SRRM3: variants seen among roughly 807,000 people sequenced by gnomAD.
SRRM3 encodes the protein serine/arginine repetitive matrix 3, also known as serine/arginine repetitive matrix protein 3.
Under a neutral mutation model 66.2 loss-of-function variants are expected in SRRM3, and 27 were observed. That is an observed-to-expected ratio of 0.41 (90% CI 0.30 to 0.56). The LOEUF is 0.56. Among genes scored for constraint, SRRM3 ranks in the 20% least tolerant of loss-of-function variants. SRRM3 has a pLI of 0.32. For missense variants in SRRM3, 918 were observed against 991.9 expected (o/e 0.93, Z 1.00); for synonymous variants, 391 against 414.9 (o/e 0.94, Z 0.70).
chr7:76,250,319 C>T (rs1464123724), intron 3 of SRRM3, among the ~76,000 whole-genome samples: 2 of 152,082 alleles, frequency 1.3e-5, no homozygotes, highest in South Asian at 2.1e-4. Flanking sequence ...GCAACCTCTG[C>T]CCCCCGGGTT....
rs1466441559 is a variant in SRRM3 at position 76,285,755 on chromosome 7, A to G, written c.1874A>G (p.His625Arg). 21 of 1,550,656 alleles carry G rather than the reference A, an allele frequency of 1.4e-5. No individual in the cohort carries two copies. The highest frequency in any genetic ancestry group is 1.8e-5 in the Non-Finnish European group (21 of 1,146,930). ...HSHGSYSSRS[H>R]GTRSRTRSPS... ...CACGGGAGCTACAGCAGTCGCAGCC[A>G]TGGGACCCGCAGCCGGACACGCAGC... Residue 625 changes from histidine (H) to arginine (R), a missense_variant, in exon 15 of 15, where the codon CAT (histidine) becomes CGT (arginine). Physicochemically the swap from His to Arg is conservative, Grantham distance 29. Coordinates refer to ENST00000611745, the MANE Select transcript of SRRM3 (RefSeq NM_001110199.3). This position sits in a 1 kb window ranked among gnomAD's most constrained non-coding sequence, Gnocchi z 4.1.
intron 2 of SRRM3, among the ~76,000 whole-genome samples, chr7:76,239,816 G>T (rs920050416): frequency 2.6e-5 from 4 of 152,148 alleles, no homozygotes; most frequent in Non-Finnish European, 5.9e-5. Flanking sequence ...AAGGCAGAAG[G>T]TTTTCTTAAG....
chr7:76,273,189 GTC>G (rs1167403071), intron 11 of SRRM3: 3 of 152,082 alleles, frequency 2.0e-5, no homozygotes, highest in Non-Finnish European at 4.4e-5. Flanking sequence ...CTGTTCGTCT[GTC>G]TCTCTGTCTG....
At chr7:76,272,926 G>A (rs567436701) in intron 11 of SRRM3, 1 of 152,376 alleles carries the variant, frequency 6.6e-6, no homozygotes, top group East Asian at 1.9e-4. Context: ...AGGGAAAGGA[G>A]TGGGACTGAC....
chr7:76,205,749 T>C (rs1800286193), intron 1 of SRRM3, among the ~76,000 whole-genome samples: 1 of 152,246 alleles, frequency 6.6e-6, no homozygotes, highest in East Asian at 1.9e-4. Flanking sequence ...CAAAGAGTCC[T>C]GGGATCTGTA....
At chr7:76,284,441 G>A (rs1228999108) in intron 14 of SRRM3, among the ~76,000 whole-genome samples, 1 of 152,182 alleles carries the variant, frequency 6.6e-6, no homozygotes, top group Non-Finnish European at 1.5e-5. Flanking sequence ...GCCTCCCAAA[G>A]TGGTGGGATT....
In SRRM3 at chr7:76,212,433, C is replaced by T. The variant is rs1490995591; in HGVS notation, c.-40+10366C>T. On this transcript the variant is annotated intron_variant, in intron 1 of 14. Transcript: ENST00000611745. Reference sequence around the variant, plus strand: ...CGGCCTCCCAAAGTGCTGGGATTACCGGCATGAGTCACTGCACCCAGCAAG... The same window carrying T: ...CGGCCTCCCAAAGTGCTGGGATTACTGGCATGAGTCACTGCACCCAGCAAG... Among the ~76,000 whole-genome samples the T allele has an allele frequency of 7.3e-5, 10 of 137,836 alleles. No individual in the cohort carries two copies. The East Asian group carries it at 1.1e-3, about 15-fold the overall frequency. 90.4% of individuals were successfully genotyped at this position (137,836 alleles called of 152,430 possible).
chr7:76,281,487 C>T lies in SRRM3; in HGVS notation c.1055C>T (p.Ala352Val). 4.1e-6 allele frequency: 5 copies of T among 1,228,578 alleles called. No homozygotes were observed. Among genetic ancestry groups the T allele is most frequent in the Non-Finnish European group, 5.1e-6 (5 of 981,646 alleles). The allele number at this position is 1,228,578 out of a possible 1,614,324, so 76.1% of individuals were successfully genotyped here. ...AGGGTCCGTGACAAGGCGGCGGCCG[C>T]CGCACCCACGCCGCCCGCGCGGGGG... ...SPRVRDKAAA[A>V]APTPPARGKE... The change falls in exon 12 of 15, where the codon GCC becomes GTC. Residue 352 changes from alanine to valine, a missense_variant. By Grantham distance (64) the Ala-to-Val change is moderately conservative (BLOSUM62 0). Transcript: ENST00000611745.
At chr7:76,232,810 C>T (rs192117808) in intron 1 of SRRM3, among the ~76,000 whole-genome samples, 19 of 151,964 alleles carry the variant, frequency 1.3e-4, no homozygotes, top group Non-Finnish European at 7.4e-5. Flanking sequence ...ACAAGAGTCA[C>T]GGGAGGCTGC....
intron 10 of SRRM3, among the ~76,000 whole-genome samples, chr7:76,266,798 G>A (rs1233113844): frequency 1.3e-5 from 2 of 149,888 alleles, no homozygotes; most frequent in South Asian, 2.1e-4. Context: ...TCAGCCACCC[G>A]AGTAGCTGAG....
rs368235565 is a variant in SRRM3 at position 76,283,055 on chromosome 7, C to T, written c.1687C>T (p.Arg563Trp). The stretch of plus-strand genomic sequence containing the variant: ...CCGCAGCTACTCGCCCATCCGCAAG[C>T]GGCGCCGGGACTCGCCAAGCTTCAT... ...RSRSYSPIRKRRRDSPSFMEP... is the reference protein window; with the variant it reads ...RSRSYSPIRKWRRDSPSFMEP... The change falls in exon 14 of 15, where the codon CGG becomes TGG. Residue 563 changes from arginine to tryptophan, a missense_variant. Physicochemically the swap from Arg to Trp is moderately radical, Grantham distance 101 (BLOSUM62 -3). Transcript: ENST00000611745. 2 of 1,492,008 alleles carry T rather than the reference C, an allele frequency of 1.3e-6. No homozygotes were observed. The highest frequency in any genetic ancestry group is 1.8e-6 in the Non-Finnish European group (2 of 1,131,388). The allele number at this position is 1,492,008 out of a possible 1,614,324, so 92.4% of individuals were successfully genotyped here. A position where few individuals can be genotyped will look rare whatever the true frequency, so the allele number is the denominator to read the frequency against.
At chr7:76,260,567 C>T (rs934256077) in intron 5 of SRRM3, among the ~76,000 whole-genome samples, 3 of 151,362 alleles carry the variant, frequency 2.0e-5, no homozygotes, top group African/African-American at 7.3e-5. Flanking sequence ...AGCCCCTCCC[C>T]TTATCTGGGA....
chr7:76,284,794 G>C (rs1323139347), intron 14 of SRRM3, among the ~76,000 whole-genome samples: 6 of 152,170 alleles, frequency 3.9e-5, no homozygotes, highest in Non-Finnish European at 8.8e-5. Context: ...TCTCTTCTCT[G>C]GGTCATAGCC....
rs1279077917 is a variant in SRRM3 at position 76,260,083 on chromosome 7, C to G, written c.465-34C>G. 3.0e-5 allele frequency: 42 copies of G among 1,401,344 alleles called. 1 individual carries two copies. The highest frequency in any genetic ancestry group is 3.8e-5 in the Non-Finnish European group (41 of 1,080,706). 86.8% of individuals were successfully genotyped at this position (1,401,344 alleles called of 1,614,324 possible). A position where few individuals can be genotyped will look rare whatever the true frequency, so the allele number is the denominator to read the frequency against. On this transcript the variant is annotated intron_variant, in intron 4 of 14. Coordinates refer to ENST00000611745, the MANE Select transcript of SRRM3 (RefSeq NM_001110199.3). ...TGGGGGGCGCGCGGGGCTGCCCCCC[C>G]TCACCGCCCCCACCCCCGCCCCTTC...
intron 1 of SRRM3, among the ~76,000 whole-genome samples, chr7:76,225,479 C>A (rs1334100580): frequency 6.6e-6 from 1 of 151,766 alleles, no homozygotes; most frequent in Non-Finnish European, 1.5e-5. Flanking sequence ...CCCGCCCCCC[C>A]CGCCCCTTTC....
intron 2 of SRRM3, among the ~76,000 whole-genome samples, chr7:76,239,106 T>C (rs1193524708): frequency 2.0e-5 from 3 of 150,884 alleles, no homozygotes; most frequent in Non-Finnish European, 1.5e-5. Context: ...GATCTCGGCT[T>C]ACTGCAACCT....
Position 76,272,777 on chromosome 7 carries a change from T to C in SRRM3, c.1008+5342T>C, listed in dbSNP as rs1357620052. Among the ~76,000 whole-genome samples, 4 of 152,316 alleles carry C rather than the reference T, an allele frequency of 2.6e-5. No homozygotes were observed. In the South Asian group the frequency reaches 6.2e-4, roughly 24 times the overall value. ...CTTGGGGCTCTCTCTGGCTTCTCCC[T>C]GTGGTCCAAATTTTATCATGTAATG... On this transcript the variant is annotated intron_variant, in intron 11 of 14. Transcript: ENST00000611745.
In SRRM3 at chr7:76,285,987, C is replaced by T. The variant is rs1286205644; in HGVS notation, c.*144C>T. ...GGGCCAGTGCACGGGCAGATGGGAC[C>T]GGGGAAGACTTTGAGGGTGGGCATC... On this transcript the variant is annotated 3_prime_UTR_variant, in exon 15 of 15. Transcript: ENST00000611745. The surrounding 1 kb of genome is among the most constrained non-coding windows in gnomAD (Gnocchi z 4.1). 16 of 904,816 alleles carry T rather than the reference C, an allele frequency of 1.8e-5. No individual in the cohort carries two copies. The highest frequency in any genetic ancestry group is 6.7e-5 in the African/African-American group (4 of 59,374). The allele number at this position is 904,816 out of a possible 1,614,324, so 56.0% of individuals were successfully genotyped here.
intron 2 of SRRM3, among the ~76,000 whole-genome samples, chr7:76,246,945 A>G (rs1801458202): frequency 6.6e-6 from 1 of 152,206 alleles, no homozygotes. Context: ...CATCTGTGAA[A>G]TGGGAATGTG....
Sources: allele counts gnomAD v4.1 joint callset (sites outside exome capture counted in the v4.1 genomes callset), GRCh38; gene constraint gnomAD v4.1.1; non-coding constraint Gnocchi (gnomAD v3.1); transcripts MANE v1.5; gene names NCBI Gene and HGNC (gene_info 2026-07-23, HGNC 2026-07-21).